Variants in TFDP1 observed in about 807,000 individuals in gnomAD.
TFDP1 encodes the protein transcription factor Dp-1.
Under a neutral mutation model 48.0 loss-of-function variants are expected in TFDP1, and 6 were observed. The ratio of observed to expected loss-of-function variants is 0.13; its 90% CI spans 0.07 to 0.25. The LOEUF is 0.25. TFDP1 is among the 10% of genes least tolerant of loss of function. The pLI, the probability that TFDP1 is intolerant of heterozygous loss-of-function variation, is 1.00. For missense variants in TFDP1, 335 were observed against 543.0 expected, an observed-to-expected ratio of 0.62 and a Z score of 3.81; for synonymous variants, 201 against 211.6, an observed-to-expected ratio of 0.95 and a Z score of 0.44.
intron 3 of TFDP1, among the ~76,000 whole-genome samples, chr13:113,614,997 G>T (rs1256702542): frequency 6.6e-6 from 1 of 152,160 alleles, no homozygotes; most frequent in Non-Finnish European, 1.5e-5. Flanking sequence ...CTGAATAATG[G>T]ATAGAGCACC....
At chr13:113,639,605 A>G (rs1399243089) in intron 11 of TFDP1, among the ~76,000 whole-genome samples, 1 of 152,244 alleles carries the variant, frequency 6.6e-6, no homozygotes, top group African/African-American at 2.4e-5. Context: ...GTTAATTGAA[A>G]ACATCTTTAA....
rs768543518 is a variant in TFDP1 at position 113,623,769 on chromosome 13, C to T, written c.186+483C>T. Among the ~76,000 whole-genome samples, 15 of 152,182 alleles carry T rather than the reference C, an allele frequency of 9.9e-5. No homozygotes were observed. The highest frequency in any genetic ancestry group is 1.5e-4 in the Non-Finnish European group (10 of 68,020). On this transcript the variant is annotated intron_variant, in intron 4 of 11. Transcript: ENST00000375370. This position sits in a 1 kb window ranked among gnomAD's most constrained non-coding sequence, Gnocchi z 5.2. ...AGGGCAGATGCTGCTCCCTTGGCCACGCACAGGAGAGGGGAAGGTGGGCAT... is the reference window on the plus strand; with the variant it reads ...AGGGCAGATGCTGCTCCCTTGGCCATGCACAGGAGAGGGGAAGGTGGGCAT...
chr13:113,617,466 G>GTTCACCTGCAGAGCCC (rs2048887513), intron 3 of TFDP1, among the ~76,000 whole-genome samples: 8 of 141,050 alleles, frequency 5.7e-5, no homozygotes, highest in Admixed American at 1.4e-4. Flanking sequence ...CTGCAGAACC[G>GTTCACCTGCAGAGCCC]TTCACCTGCA....
chr13:113,606,836 G>T (rs983043709), intron 2 of TFDP1, among the ~76,000 whole-genome samples: 8 of 152,144 alleles, frequency 5.3e-5, no homozygotes, highest in African/African-American at 1.7e-4. Context: ...TCGGTGTGGG[G>T]TAAGCGCATC....
At chr13:113,635,916 G>C in intron 8 of TFDP1, 61 bp from the exon 9 acceptor site, 2 of 1,567,076 alleles carry the variant, frequency 1.3e-6, no homozygotes, top group Non-Finnish European at 1.7e-6. Context: ...AGGACCCCTC[G>C]AGCACAGGGG....
chr13:113,596,849 G>C (rs1216765146), intron 2 of TFDP1, among the ~76,000 whole-genome samples: 1 of 152,238 alleles, frequency 6.6e-6, no homozygotes, highest in Non-Finnish European at 1.5e-5. Flanking sequence ...GATCCTGGAA[G>C]CCCTGCTTCG....
intron 2 of TFDP1, among the ~76,000 whole-genome samples, chr13:113,597,407 C>T (rs1257612044): frequency 6.6e-5 from 10 of 152,320 alleles, no homozygotes; most frequent in South Asian, 6.2e-4. Context: ...TGTCTGGCAG[C>T]GTGTGCTGCA....
intron 2 of TFDP1, among the ~76,000 whole-genome samples, chr13:113,600,763 G>A (rs906447304): frequency 1.3e-4 from 19 of 148,912 alleles, no homozygotes; most frequent in South Asian, 4.3e-4. Context: ...CCAGGACCGC[G>A]ATAGAGAACC....
chr13:113,607,951 G>A lies in TFDP1; in HGVS notation c.13-3045G>A, dbSNP rs543079485. On this transcript the variant is annotated intron_variant, in intron 2 of 11. Coordinates refer to ENST00000375370, the MANE Select transcript of TFDP1 (RefSeq NM_007111.5). The surrounding 1 kb of genome is among the most constrained non-coding windows in gnomAD (Gnocchi z 5.2). ...CTGGGCAGGGGCAGTTGGTGTTCTC[G>A]CAGGGCCTGTGTTGGTGCATATGAG... is the stretch of plus-strand genomic sequence containing the variant. Among the ~76,000 whole-genome samples the A allele has an allele frequency of 5.3e-5, 8 of 152,306 alleles. No individual in the cohort carries two copies. In the South Asian group the frequency reaches 6.2e-4, roughly 12 times the overall value.
chr13:113,596,042 G>A (rs533085961), intron 2 of TFDP1, among the ~76,000 whole-genome samples: 59 of 152,224 alleles, frequency 3.9e-4, no homozygotes, highest in African/African-American at 6.3e-4. Flanking sequence ...AGATGGCGCC[G>A]CTGCACTCCC....
chr13:113,615,684 G>A (rs935780558), intron 3 of TFDP1, among the ~76,000 whole-genome samples: 1 of 152,192 alleles, frequency 6.6e-6, no homozygotes. Context: ...TGGGAGGATT[G>A]CTTGAGGCCA....
chr13:113,636,255 TC>T, intron 9 of TFDP1, 127 bp downstream of exon 9: 1 of 1,336,046 alleles, frequency 7.5e-7, no homozygotes, highest in Non-Finnish European at 1.0e-6. Flanking sequence ...CAAATTGCTG[TC>T]CATTGGGGGG....
chr13:113,585,533 G>A (rs1481362357), intron 1 of TFDP1: 4 of 270,114 alleles, frequency 1.5e-5, no homozygotes, highest in Non-Finnish European at 2.8e-5. Flanking sequence ...CGGGGACCTG[G>A]GGGTAGTGGT....
At chr13:113,634,356 T>C (rs903569005) in intron 7 of TFDP1, 178 bp from the exon 8 acceptor site, 7 of 647,008 alleles carry the variant, frequency 1.1e-5, no homozygotes, top group African/African-American at 1.8e-5. Flanking sequence ...AGTTTAGAAA[T>C]GGAAAAAAAA....
chr13:113,599,101 C>T (rs561134098), intron 2 of TFDP1, among the ~76,000 whole-genome samples: 59 of 151,624 alleles, frequency 3.9e-4, no homozygotes, highest in Non-Finnish European at 6.9e-4. Flanking sequence ...ATGTACAGTA[C>T]GGAATTCTAA....
intron 2 of TFDP1, among the ~76,000 whole-genome samples, chr13:113,592,513 A>T (rs2048170673): frequency 6.6e-6 from 1 of 152,146 alleles, no homozygotes; most frequent in African/African-American, 2.4e-5. Flanking sequence ...GATGAATGAA[A>T]ACCTTGTGTG....
intron 3 of TFDP1, among the ~76,000 whole-genome samples, chr13:113,613,637 ATG>A (rs1190875959): frequency 8.0e-5 from 8 of 100,480 alleles, no homozygotes; most frequent in East Asian, 2.8e-4. Context: ...GTGTGTGTGC[ATG>A]TGTGTCTGCG....
At chr13:113,585,085 C>G (rs2047964198) in intron 1 of TFDP1, among the ~76,000 whole-genome samples, 197 bp downstream of exon 1, 1 of 146,860 alleles carries the variant, frequency 6.8e-6, no homozygotes, top group African/African-American at 2.4e-5. Flanking sequence ...CCCAGGTGAC[C>G]GCGGGGCGGG....
intron 4 of TFDP1, among the ~76,000 whole-genome samples, chr13:113,631,137 T>C (rs1023935074): frequency 2.6e-5 from 4 of 152,238 alleles, no homozygotes; most frequent in African/African-American, 9.7e-5. Context: ...AGAGCTGTTT[T>C]TGGTTTGTTT....
Sources: allele counts gnomAD v4.1 joint callset (sites outside exome capture counted in the v4.1 genomes callset), GRCh38; gene constraint gnomAD v4.1.1; non-coding constraint Gnocchi (gnomAD v3.1); transcripts MANE v1.5; gene names NCBI Gene and HGNC (gene_info 2026-07-23, HGNC 2026-07-21).